Variants in PBX1 observed in about 807,000 individuals in gnomAD.
PBX1 encodes the protein pre-B-cell leukemia transcription factor 1.
PBX1 carries 6 observed loss-of-function variants against 53.4 expected under a neutral mutation model. That is an observed-to-expected ratio of 0.11 (90% CI 0.06 to 0.22). The LOEUF is 0.22. PBX1 is among the 10% of genes least tolerant of loss of function. The pLI is 1.00. For missense variants in PBX1, 251 were observed against 551.4 expected (o/e 0.46, Z 5.46); for synonymous variants, 204 against 212.3 (o/e 0.96, Z 0.34).
chr1:164,820,219 C>T, intron 7 of PBX1, 35 bp downstream of exon 7: 1 of 1,165,734 alleles, frequency 8.6e-7, no homozygotes, highest in African/African-American at 1.5e-5. Flanking sequence ...CAGGTGAATG[C>T]CTTAGAGTCC....
chr1:164,822,804 G>T (rs1670226321), intron 8 of PBX1, among the ~76,000 whole-genome samples: 1 of 152,186 alleles, frequency 6.6e-6, no homozygotes, highest in African/African-American at 2.4e-5. Flanking sequence ...GGACTACTAA[G>T]TAGTGGATTC....
At chr1:164,705,121 T>C (rs1412322286) in intron 2 of PBX1, among the ~76,000 whole-genome samples, 1 of 152,172 alleles carries the variant, frequency 6.6e-6, no homozygotes, top group African/African-American at 2.4e-5. Flanking sequence ...TACCGTAAGC[T>C]GTTTAGCTGC....
At chr1:164,581,192 T>A (rs1422923175) in intron 2 of PBX1, among the ~76,000 whole-genome samples, 1 of 151,982 alleles carries the variant, frequency 6.6e-6, no homozygotes, top group Non-Finnish European at 1.5e-5. Context: ...GAGCCTCTGT[T>A]TTTGGAAAGG....
At chr1:164,590,442 A>G (rs1557877723) in intron 2 of PBX1, 3 of 455,900 alleles carry the variant, frequency 6.6e-6, no homozygotes, top group South Asian at 3.1e-5. Flanking sequence ...CAGGTAAACA[A>G]GCTGCTCTGT....
At position 164,848,492 on chromosome 1, in the gene PBX1, CTAGG is replaced by C; in HGVS notation, c.*1817_*1820del. On this transcript the variant is annotated 3_prime_UTR_variant, in exon 9 of 9. Transcript: ENST00000420696. ...CCTGAAATAAACGGGTTCATGCCAT[CTAGG>C]GACAATAAATGGTTTTCTTGTTGTA... 6.6e-6 allele frequency: 7 copies of C among 1,058,814 alleles called. No individual in the cohort carries two copies. The highest frequency in any genetic ancestry group is 6.9e-6 in the Non-Finnish European group (6 of 875,172). 65.6% of individuals were successfully genotyped at this position (1,058,814 alleles called of 1,614,324 possible). A position where few individuals can be genotyped will look rare whatever the true frequency, so the allele number is the denominator to read the frequency against.
At chr1:164,774,338 G>A (rs1667543171) in intron 2 of PBX1, 1 of 152,172 alleles carries the variant, frequency 6.6e-6, no homozygotes, top group East Asian at 1.9e-4. Context: ...TTCGAAATGA[G>A]AAGTCTCCAT....
At chr1:164,885,624 A>G (rs1484666946) in intron 2 of PBX1, among the ~76,000 whole-genome samples, 6 of 152,230 alleles carry the variant, frequency 3.9e-5, no homozygotes, top group African/African-American at 1.4e-4. Flanking sequence ...TCCGTCTTCA[A>G]GCAATGGGCT....
intron 2 of PBX1, among the ~76,000 whole-genome samples, chr1:164,646,179 T>G (rs948303026): frequency 6.6e-6 from 1 of 152,242 alleles, no homozygotes; most frequent in Non-Finnish European, 1.5e-5. Context: ...AGTCAGAATT[T>G]CTTTGGAGCA....
intron 2 of PBX1, among the ~76,000 whole-genome samples, chr1:164,615,674 G>A (rs959896196): frequency 2.0e-5 from 3 of 152,314 alleles, no homozygotes; most frequent in Admixed American, 1.3e-4. Context: ...CGTGGCCAAA[G>A]TAACCAGACT....
chr1:164,614,257 TGAG>T (rs1203378113), intron 2 of PBX1, among the ~76,000 whole-genome samples: 2 of 152,160 alleles, frequency 1.3e-5, no homozygotes, highest in Non-Finnish European at 2.9e-5. Flanking sequence ...ATTTTACAAA[TGAG>T]GAGAGTGATG....
chr1:164,731,409 C>T (rs564327036), intron 2 of PBX1, among the ~76,000 whole-genome samples: 3 of 151,784 alleles, frequency 2.0e-5, no homozygotes, highest in East Asian at 1.9e-4. Flanking sequence ...TAGAAGGGAG[C>T]GGGGGAAACA....
chr1:164,772,345 T>C (rs1469531884), intron 2 of PBX1, among the ~76,000 whole-genome samples: 1 of 152,208 alleles, frequency 6.6e-6, no homozygotes, highest in Non-Finnish European at 1.5e-5. Flanking sequence ...TGCAACACCG[T>C]TTACCAACTC....
intron 2 of PBX1, among the ~76,000 whole-genome samples, chr1:164,724,446 A>G (rs1446661853): frequency 6.6e-6 from 1 of 152,184 alleles, no homozygotes; most frequent in Admixed American, 6.5e-5. Flanking sequence ...ATAAAAATAC[A>G]CTAACACTAA....
intron 2 of PBX1, among the ~76,000 whole-genome samples, chr1:164,787,133 C>T (rs1668239660): frequency 1.3e-5 from 2 of 152,044 alleles, no homozygotes; most frequent in South Asian, 4.2e-4. Flanking sequence ...AGACTGAGCT[C>T]CTGGGCAATA....
At chr1:164,701,274 T>C (rs934673148) in intron 2 of PBX1, among the ~76,000 whole-genome samples, 14 of 152,242 alleles carry the variant, frequency 9.2e-5, no homozygotes, top group Non-Finnish European at 1.8e-4. Context: ...CCTTTTTCTT[T>C]TCTGTGTTGA....
chr1:164,630,277 C>T (rs150470806), intron 2 of PBX1, among the ~76,000 whole-genome samples: 31 of 152,114 alleles, frequency 2.0e-4, no homozygotes, highest in African/African-American at 7.0e-4. Flanking sequence ...ATATATTTTT[C>T]GTTTCTATGC....
intron 2 of PBX1, among the ~76,000 whole-genome samples, chr1:164,594,424 A>C (rs763363629): frequency 2.6e-5 from 4 of 152,056 alleles, no homozygotes; most frequent in Non-Finnish European, 5.9e-5. Flanking sequence ...CTTACCGAGT[A>C]GCTGGGATTA....
chr1:164,855,445 T>G (rs1367423527), downstream of PBX1, among the ~76,000 whole-genome samples: 1 of 150,912 alleles, frequency 6.6e-6, no homozygotes, highest in African/African-American at 2.4e-5. Context: ...AAAGTTAAAT[T>G]AATCCAACCT....
At chr1:164,838,891 G>A (rs750132353) in intron 8 of PBX1, among the ~76,000 whole-genome samples, 1 of 152,204 alleles carries the variant, frequency 6.6e-6, no homozygotes, top group Non-Finnish European at 1.5e-5. Flanking sequence ...AGCAGCTGCT[G>A]TGTCAAACAT....
Sources: allele counts gnomAD v4.1 joint callset (sites outside exome capture counted in the v4.1 genomes callset), GRCh38; gene constraint gnomAD v4.1.1; transcripts MANE v1.5; gene names NCBI Gene and HGNC (gene_info 2026-07-23, HGNC 2026-07-21).